CACNA2D4: variants seen among roughly 807,000 people sequenced by gnomAD.
The protein encoded by CACNA2D4 is voltage-dependent calcium channel subunit alpha-2/delta-4.
In CACNA2D4, 157 loss-of-function variants were observed where a neutral mutation model predicts 163.8. That is an observed-to-expected ratio of 0.96 (90% CI 0.84 to 1.09). CACNA2D4 has a LOEUF of 1.09. CACNA2D4 is among the 50% of genes least tolerant of loss of function. The pLI is 0.00. For synonymous variants in CACNA2D4, 598 were observed against 586.9 expected (o/e 1.02, Z -0.27); for missense variants, 1,410 against 1,479.9 (o/e 0.95, Z 0.78).
At chr12:1,819,060 T>C (rs928856565) in intron 26 of CACNA2D4, among the ~76,000 whole-genome samples, 3 of 147,308 alleles carry the variant, frequency 2.0e-5, no homozygotes, top group Non-Finnish European at 3.0e-5. Flanking sequence ...CTGCACAACA[T>C]GAGGGTGGCC....
At position 1,811,648 on chromosome 12, in the gene CACNA2D4, G is replaced by T; in HGVS notation, c.2613+14C>A. 1 of 1,558,532 alleles carries T rather than the reference G, an allele frequency of 6.4e-7. No individual in the cohort carries two copies. Among genetic ancestry groups the T allele is most frequent in the Non-Finnish European group, 8.7e-7 (1 of 1,150,724 alleles). On this transcript the variant is annotated intron_variant, in intron 27 of 37. Coordinates refer to ENST00000382722, the MANE Select transcript of CACNA2D4 (RefSeq NM_172364.5). Reference sequence around the variant, plus strand: ...TGAGTCCCCAGCCCCGACCTGGCCCGACATCACACCTACCTGCCGCGTTGC... The same window carrying T: ...TGAGTCCCCAGCCCCGACCTGGCCCTACATCACACCTACCTGCCGCGTTGC...
chr12:1,834,591 C>T lies in CACNA2D4; in HGVS notation c.2551+6148G>A. 6.2e-7 allele frequency: 1 copy of T among 1,600,432 alleles called. No homozygotes were observed. Among genetic ancestry groups the T allele is most frequent in the Non-Finnish European group, 8.5e-7 (1 of 1,179,918 alleles). On this transcript the variant is annotated intron_variant, in intron 26 of 37. Transcript: ENST00000382722. This position sits in a 1 kb window ranked among gnomAD's most constrained non-coding sequence, Gnocchi z 7.6. ...GTCGTCTGCATCATGATGGTGGTGG[C>T]CGCTGCCTATGGCTGCATCTACGCC...
chr12:1,912,253 G>A (rs771872515), intron 3 of CACNA2D4, among the ~76,000 whole-genome samples: 4 of 152,214 alleles, frequency 2.6e-5, no homozygotes, highest in Non-Finnish European at 4.4e-5. Context: ...CTTTCAGGGA[G>A]AGCACTGGTC....
chr12:1,813,197 C>T (rs1210501176), intron 26 of CACNA2D4, among the ~76,000 whole-genome samples: 1 of 152,202 alleles, frequency 6.6e-6, no homozygotes, highest in East Asian at 1.9e-4. Flanking sequence ...GAGGCTGTTA[C>T]TCCAGACTAG....
intron 18 of CACNA2D4, among the ~76,000 whole-genome samples, chr12:1,861,591 C>A (rs1007813084): frequency 2.6e-5 from 4 of 151,972 alleles, no homozygotes; most frequent in Non-Finnish European, 5.9e-5. Context: ...TACAGGCACA[C>A]GCCACCACAC....
intron 29 of CACNA2D4, among the ~76,000 whole-genome samples, chr12:1,808,286 G>A (rs977438946): frequency 2.0e-5 from 3 of 152,196 alleles, no homozygotes; most frequent in Non-Finnish European, 2.9e-5. Context: ...ACAGCCCGTA[G>A]GCCAAGCCTG....
rs1864034695 is a variant in CACNA2D4, at chr12:1,820,207, A to T, written c.2552-8484T>A. ...CGCCTGTCCCTCTTTCCCCAGATGG[A>T]GGGGAAGAGAGGAGAGAGGCACAGA... On this transcript the variant is annotated intron_variant, in intron 26 of 37. Coordinates refer to ENST00000382722, the MANE Select transcript of CACNA2D4 (RefSeq NM_172364.5). The surrounding 1 kb of genome is among the most constrained non-coding windows in gnomAD (Gnocchi z 6.0). The T allele has an allele frequency of 6.6e-6, 1 of 151,624 alleles. No individual in the cohort carries two copies. The highest frequency in any genetic ancestry group is 6.6e-5 in the Admixed American group (1 of 15,252). 9.4% of individuals were successfully genotyped at this position (151,624 alleles called of 1,614,324 possible).
In CACNA2D4 at chr12:1,793,566, G is replaced by T; in HGVS notation, c.*89C>A. ...GCGTTGGCCTGGGGGCGACCCAACT[G>T]CAGTTAGCTGCATCCCATGTCAGTG... On this transcript the variant is annotated 3_prime_UTR_variant, in exon 38 of 38. Transcript: ENST00000382722. 1.7e-6 allele frequency: 2 copies of T among 1,154,580 alleles called. No individual in the cohort carries two copies. The highest frequency in any genetic ancestry group is 2.6e-6 in the Non-Finnish European group (2 of 770,160). The allele number at this position is 1,154,580 out of a possible 1,614,324, so 71.5% of individuals were successfully genotyped here.
At chr12:1,897,470 A>G (rs1866435573) in intron 6 of CACNA2D4, among the ~76,000 whole-genome samples, 2 of 152,230 alleles carry the variant, frequency 1.3e-5, no homozygotes, top group African/African-American at 2.4e-5. Context: ...TTCTGTGCAT[A>G]TAACAAAATA....
Position 1,872,734 on chromosome 12 carries a change from C to T in CACNA2D4, c.1878+1870G>A, listed in dbSNP as rs557567545. 2.0e-5 allele frequency among the ~76,000 whole-genome samples: 3 copies of T among 152,222 alleles called. No homozygotes were observed. In the South Asian group the frequency reaches 6.2e-4, roughly 32 times the overall value. ...AGACACTGCCTCGGCGGCCCCACAC[C>T]AGCAAAATGCCCTGCACAGAGTGGA... On this transcript the variant is annotated intron_variant, in intron 18 of 37. Coordinates refer to ENST00000382722, the MANE Select transcript of CACNA2D4 (RefSeq NM_172364.5).
chr12:1,887,153 C>T, intron 6 of CACNA2D4, 84 bp from the exon 7 acceptor site: 1 of 909,918 alleles, frequency 1.1e-6, no homozygotes, highest in Non-Finnish European at 1.8e-6. Flanking sequence ...CCAAGATGGC[C>T]ATGATCCCCA....
chr12:1,871,032 GGT>G (rs374268017), intron 18 of CACNA2D4, among the ~76,000 whole-genome samples: 1 of 152,066 alleles, frequency 6.6e-6, no homozygotes, highest in Non-Finnish European at 1.5e-5. Context: ...GCCAGCCGCT[GGT>G]GTGTGTGTGT....
rs1864520709 is a variant in CACNA2D4 at position 1,829,487 on chromosome 12, C to G, written c.2551+11252G>C. On this transcript the variant is annotated intron_variant, in intron 26 of 37. Transcript: ENST00000382722. This position sits in a 1 kb window ranked among gnomAD's most constrained non-coding sequence, Gnocchi z 4.2. ...GGCTGTACCTGTGCTCACTTCTCGC[C>G]AAGAACAGTGAGGCTTGCTGTTAGG... Among the ~76,000 whole-genome samples, 1 of 151,982 alleles carries G rather than the reference C, an allele frequency of 6.6e-6. No individual in the cohort carries two copies. The highest frequency in any genetic ancestry group is 6.5e-5 in the Admixed American group (1 of 15,270).
intron 13 of CACNA2D4, 63 bp from the exon 14 acceptor site, chr12:1,879,944 C>T (rs368052130): frequency 3.1e-4 from 359 of 1,143,906 alleles, no homozygotes; most frequent in Middle Eastern, 1.6e-3. Context: ...TTGCCGCACT[C>T]GGAGCACCCA....
chr12:1,810,678 G>T, intron 27 of CACNA2D4, 91 bp from the exon 28 acceptor site: 1 of 1,309,870 alleles, frequency 7.6e-7, no homozygotes. Context: ...TGGTACGTCT[G>T]CAGTGTGTGT....
intron 31 of CACNA2D4, 56 bp from the exon 32 acceptor site, chr12:1,800,494 C>G (rs552109854): frequency 1.1e-4 from 176 of 1,557,346 alleles, no homozygotes; most frequent in Non-Finnish European, 1.5e-4. Flanking sequence ...GAGGGTGCCC[C>G]CCCCCCACCA....
Position 1,913,426 on chromosome 12 carries a change from A to AAGGTCAACAGCC in CACNA2D4, c.310-299_310-288dup, listed in dbSNP as rs1470753554. On this transcript the variant is annotated intron_variant, in intron 2 of 37. Coordinates refer to ENST00000382722, the MANE Select transcript of CACNA2D4 (RefSeq NM_172364.5). ...CTCAGAGAAGTCAGTGAACTTGACC[A>AAGGTCAACAGCC]AGGTCAACAGCCAGGTGAGCAGGTG... 1.1e-4 allele frequency among the ~76,000 whole-genome samples: 17 copies of AAGGTCAACAGCC among 152,342 alleles called. No homozygotes were observed. In the East Asian group the frequency reaches 2.7e-3, roughly 24 times the overall value.
intron 26 of CACNA2D4, among the ~76,000 whole-genome samples, chr12:1,824,231 ATCAAAC>A (rs1864226147): frequency 6.6e-6 from 1 of 152,184 alleles, no homozygotes. Context: ...GCCTAGTCGT[ATCAAAC>A]TCAAATATGC....
At position 1,858,532 on chromosome 12, in the gene CACNA2D4, A is replaced by G. The variant is rs764582947; in HGVS notation, c.2008+45T>C. ...CCTGCCCAGTGTCCCATGAGAGCCCATTATTTTCTGCTTAACTGTCCCTCA... is the reference window on the plus strand; with the variant it reads ...CCTGCCCAGTGTCCCATGAGAGCCCGTTATTTTCTGCTTAACTGTCCCTCA... On this transcript the variant is annotated intron_variant, in intron 20 of 37. Coordinates refer to ENST00000382722, the MANE Select transcript of CACNA2D4 (RefSeq NM_172364.5). 6.3e-6 allele frequency: 10 copies of G among 1,577,482 alleles called. No individual in the cohort carries two copies. In the Admixed American group the frequency reaches 1.2e-4, roughly 19 times the overall value.
Sources: allele counts gnomAD v4.1 joint callset (sites outside exome capture counted in the v4.1 genomes callset), GRCh38; gene constraint gnomAD v4.1.1; non-coding constraint Gnocchi (gnomAD v3.1); transcripts MANE v1.5; gene names NCBI Gene and HGNC (gene_info 2026-07-23, HGNC 2026-07-21).